Variants in NR2C2AP observed in about 807,000 individuals in gnomAD.
NR2C2AP encodes the protein nuclear receptor 2C2-associated protein.
In NR2C2AP, 13 loss-of-function variants were observed where a neutral mutation model predicts 19.1. That is an observed-to-expected ratio of 0.68 (90% CI 0.44 to 1.08). The LOEUF is 1.08. NR2C2AP is among the 50% of genes least tolerant of loss of function. The probability of loss-of-function intolerance (pLI) is 0.00; values close to 1 mark genes in which losing one functional copy is unlikely to be tolerated. For synonymous variants in NR2C2AP, 81 were observed against 64.4 expected (o/e 1.26, Z -1.23); for missense variants, 181 against 172.7 (o/e 1.05, Z -0.27).
chr19:19,202,914 G>A lies in NR2C2AP; in HGVS notation c.39-33C>T. 3 of 1,607,986 alleles carry A rather than the reference G, an allele frequency of 1.9e-6. No individual in the cohort carries two copies. In the South Asian group the frequency reaches 3.3e-5, roughly 18 times the overall value. On this transcript the variant is annotated intron_variant, in intron 1 of 4. Transcript: ENST00000331552. ...CACCAGGATCAAGGCGAAGAGAGGGGCTGAGACCAGCTCTCAGCTCCGCGG... is the reference window on the plus strand; with the variant it reads ...CACCAGGATCAAGGCGAAGAGAGGGACTGAGACCAGCTCTCAGCTCCGCGG...
Position 19,202,354 on chromosome 19 carries a change from G to A in NR2C2AP, c.280C>T (p.Pro94Ser), listed in dbSNP as rs753300925. Reference protein sequence around the residue: ...QALHKIVDFYPEDNNSLQTFP... With the variant: ...QALHKIVDFYSEDNNSLQTFP... The stretch of plus-strand genomic sequence containing the variant: ...ATCTGAAGCGAGTTGTTGTCCTCAG[G>A]GTAGAAATCTACAATCTTGTGGAGA... Residue 94 changes from proline (P) to serine (S), a missense_variant, in exon 4 of 5, where the codon CCT (proline) becomes TCT (serine). Transcript: ENST00000331552. 9 of 1,614,066 alleles carry A rather than the reference G, an allele frequency of 5.6e-6. No individual in the cohort carries two copies. Among genetic ancestry groups the A allele is most frequent in the African/African-American group, 5.3e-5 (4 of 74,910 alleles).
In NR2C2AP at chr19:19,201,601, C is replaced by G. The variant is rs201490667; in HGVS notation, c.*324G>C. 18 of 1,613,238 alleles carry G rather than the reference C, an allele frequency of 1.1e-5. No homozygotes were observed. The South Asian group carries it at 1.5e-4, about 14-fold the overall frequency. Reference sequence around the variant, plus strand: ...CGCAGGTTGGCCTGTGCCTCCACCCCACTCCCGATTCAAGCTCACAGCCCA... The same window carrying G: ...CGCAGGTTGGCCTGTGCCTCCACCCGACTCCCGATTCAAGCTCACAGCCCA... On this transcript the variant is annotated 3_prime_UTR_variant, in exon 5 of 5. Coordinates refer to ENST00000331552, the MANE Select transcript of NR2C2AP (RefSeq NM_176880.6).
chr19:19,202,811 T>G lies in NR2C2AP; in HGVS notation c.109A>C (p.Thr37Pro). 1 of 1,613,798 alleles carries G rather than the reference T, an allele frequency of 6.2e-7. No homozygotes were observed. Among genetic ancestry groups the G allele is most frequent in the Non-Finnish European group, 8.5e-7 (1 of 1,179,968 alleles). Reference protein sequence around the residue: ...KKHLFDQDEETCWNSDQGPSQ... With the variant: ...KKHLFDQDEEPCWNSDQGPSQ... ...CTCACCTGGTCTGAGTTCCAACATGTCTCCTCATCCTGGTCGAAAAGATGT... is the reference window on the plus strand; with the variant it reads ...CTCACCTGGTCTGAGTTCCAACATGGCTCCTCATCCTGGTCGAAAAGATGT... The change falls in exon 2 of 5, where the codon ACA becomes CCA. Residue 37 changes from threonine (T) to proline (P), a missense_variant. By Grantham distance (38) the Thr-to-Pro change is conservative (BLOSUM62 -1). Transcript: ENST00000331552.
rs780804805 is a variant in NR2C2AP at position 19,202,921 on chromosome 19, C to T, written c.39-40G>A. On this transcript the variant is annotated intron_variant, in intron 1 of 4. Coordinates refer to ENST00000331552, the MANE Select transcript of NR2C2AP (RefSeq NM_176880.6). Reference sequence around the variant, plus strand: ...ATCAAGGCGAAGAGAGGGGCTGAGACCAGCTCTCAGCTCCGCGGAGGGCCT... The same window carrying T: ...ATCAAGGCGAAGAGAGGGGCTGAGATCAGCTCTCAGCTCCGCGGAGGGCCT... The T allele has an allele frequency of 5.0e-6, 8 of 1,601,378 alleles. No homozygotes were observed. In the African/African-American group the frequency reaches 9.4e-5, roughly 19 times the overall value.
Position 19,201,589 on chromosome 19 carries a change from G to C in NR2C2AP, c.*336C>G. ...CTAAGGGGAGAGCGCAGGTTGGCCT[G>C]TGCCTCCACCCCACTCCCGATTCAA... On this transcript the variant is annotated 3_prime_UTR_variant, in exon 5 of 5. Transcript: ENST00000331552. 1 of 1,612,436 alleles carries C rather than the reference G, an allele frequency of 6.2e-7. No individual in the cohort carries two copies. Among genetic ancestry groups the C allele is most frequent in the Non-Finnish European group, 8.5e-7 (1 of 1,179,946 alleles).
intron 4 of NR2C2AP, 26 bp from the exon 5 acceptor site, chr19:19,202,067 T>C (rs2060728605): frequency 6.2e-7 from 1 of 1,609,782 alleles, no homozygotes; most frequent in African/African-American, 1.3e-5. Context: ...CAAGGGAAAC[T>C]GGTGATTTCT....
At chr19:19,202,715 G>T in intron 2 of NR2C2AP, 76 bp downstream of exon 2, 1 of 1,463,348 alleles carries the variant, frequency 6.8e-7, no homozygotes. Context: ...ACCCATGAGG[G>T]CCCCCTGACG....
chr19:19,202,404 G>A lies in NR2C2AP; in HGVS notation c.236-6C>T. On this transcript the variant is annotated splice_region_variant and splice_polypyrimidine_tract_variant and intron_variant, in intron 3 of 4. Transcript: ENST00000331552. ...AGCCTGAGTGCCCTGTGAACCTTCA[G>A]CAGAGAAAGGCAATGAGTGTCTGGG... The A allele has an allele frequency of 1.2e-6, 2 of 1,614,120 alleles. No individual in the cohort carries two copies.
chr19:19,202,254 G>C (rs747127233), intron 4 of NR2C2AP, 77 bp downstream of exon 4: 51 of 1,409,748 alleles, frequency 3.6e-5, no homozygotes, highest in Middle Eastern at 1.8e-4. Flanking sequence ...CACACATCAG[G>C]GTTCCCATTC....
rs751670866 is a variant in NR2C2AP at position 19,201,890 on chromosome 19, G to A, written c.*35C>T. On this transcript the variant is annotated 3_prime_UTR_variant, in exon 5 of 5. Transcript: ENST00000331552. ...AATGAGGGACTTTGCTGTGCTTCCC[G>A]GAGGGCTTCCTGGAGGAGACAGCCC... 60 of 1,613,684 alleles carry A rather than the reference G, an allele frequency of 3.7e-5. No individual in the cohort carries two copies. The highest frequency in any genetic ancestry group is 2.7e-4 in the Admixed American group (16 of 59,972).
At position 19,202,318 on chromosome 19, in the gene NR2C2AP, A is replaced by C; in HGVS notation, c.303+13T>G. ...GGCACAGACCACCCACCCCAGAAGC[A>C]GGGGCAGGATATCTGAAGCGAGTTG... On this transcript the variant is annotated intron_variant, in intron 4 of 4. Transcript: ENST00000331552. 5 of 1,612,822 alleles carry C rather than the reference A, an allele frequency of 3.1e-6. No individual in the cohort carries two copies. Among genetic ancestry groups the C allele is most frequent in the Non-Finnish European group, 4.2e-6 (5 of 1,178,754 alleles).
chr19:19,201,949 C>G lies in NR2C2AP; in HGVS notation c.396G>C (p.Leu132=). Residue 132 remains leucine (L), a synonymous_variant, in exon 5 of 5, where the codon CTG becomes CTC. Coordinates refer to ENST00000331552, the MANE Select transcript of NR2C2AP (RefSeq NM_176880.6). The stretch of plus-strand genomic sequence containing the variant: ...CTCACACCTTCTCCCCAAGCACCCG[C>G]AGGTGGTAGATGACCACACGGCCAA... The part of the protein sequence containing the change: ...DFFGRVVIYH[L]RVLGEKV 6.2e-7 allele frequency: 1 copy of G among 1,614,210 alleles called. No homozygotes were observed. The highest frequency in any genetic ancestry group is 8.5e-7 in the Non-Finnish European group (1 of 1,180,038).
chr19:19,203,164 G>A lies in NR2C2AP; in HGVS notation c.-104C>T, dbSNP rs958742095. On this transcript the variant is annotated 5_prime_UTR_variant, in exon 1 of 5. Coordinates refer to ENST00000331552, the MANE Select transcript of NR2C2AP (RefSeq NM_176880.6). ...GGCGGCGCGATCTTGGCTACGCCTT[G>A]GCCTGAACGTCCTCACCTGTAACTT... 12 of 1,176,754 alleles carry A rather than the reference G, an allele frequency of 1.0e-5. No homozygotes were observed. In the African/African-American group the frequency reaches 1.8e-4, roughly 18 times the overall value. 72.9% of individuals were successfully genotyped at this position (1,176,754 alleles called of 1,614,324 possible).
At chr19:19,202,711 G>C in intron 2 of NR2C2AP, 80 bp downstream of exon 2, 1 of 1,465,086 alleles carries the variant, frequency 6.8e-7, no homozygotes, top group African/African-American at 1.4e-5. Context: ...GGCCACCCAT[G>C]AGGGCCCCCT....
chr19:19,201,628 C>T lies in NR2C2AP; in HGVS notation c.*297G>A. ...CTCCCGATTCAAGCTCACAGCCCAC[C>T]TTTTCCCTGCCCCATCTCAGTGCAA... On this transcript the variant is annotated 3_prime_UTR_variant, in exon 5 of 5. Transcript: ENST00000331552. The T allele has an allele frequency of 6.2e-7, 1 of 1,614,022 alleles. No homozygotes were observed. Among genetic ancestry groups the T allele is most frequent in the Non-Finnish European group, 8.5e-7 (1 of 1,180,042 alleles).
At chr19:19,202,744 T>G (rs1355273743) in intron 2 of NR2C2AP, 47 bp downstream of exon 2, 1 of 1,561,376 alleles carries the variant, frequency 6.4e-7, no homozygotes, top group African/African-American at 1.4e-5. Context: ...GCATGAGATC[T>G]GAATCTGAAT....
chr19:19,203,137 A>C lies in NR2C2AP; in HGVS notation c.-77T>G, dbSNP rs1231900499. The C allele has an allele frequency of 6.6e-7, 1 of 1,512,562 alleles. No individual in the cohort carries two copies. Among genetic ancestry groups the C allele is most frequent in the Non-Finnish European group, 9.1e-7 (1 of 1,096,632 alleles). The allele number at this position is 1,512,562 out of a possible 1,614,324, so 93.7% of individuals were successfully genotyped here. On this transcript the variant is annotated 5_prime_UTR_variant, in exon 1 of 5. Coordinates refer to ENST00000331552, the MANE Select transcript of NR2C2AP (RefSeq NM_176880.6). ...GAATCCCGGCGCCTCCTCAAGCTAC[A>C]GGGCGGCGCGATCTTGGCTACGCCT... is the stretch of plus-strand genomic sequence containing the variant.
At position 19,203,388 on chromosome 19, in the gene NR2C2AP, G is replaced by T; in HGVS notation, c.-328C>A. The T allele has an allele frequency of 2.3e-6, 1 of 443,376 alleles. No individual in the cohort carries two copies. The highest frequency in any genetic ancestry group is 4.5e-5 in the East Asian group (1 of 22,262). The allele number at this position is 443,376 out of a possible 1,614,324, so 27.5% of individuals were successfully genotyped here. ...GCTGTTTCTCTGCGAATAGCTCTTG[G>T]AGCCAAATCTTGGGACCCGGAACCG... is the stretch of plus-strand genomic sequence containing the variant. On this transcript the variant is annotated 5_prime_UTR_variant, in exon 1 of 5. Coordinates refer to ENST00000331552, the MANE Select transcript of NR2C2AP (RefSeq NM_176880.6).
intron 1 of NR2C2AP, 23 bp from the exon 2 acceptor site, chr19:19,202,904 G>A (rs1359282220): frequency 6.2e-7 from 1 of 1,610,992 alleles, no homozygotes; most frequent in Non-Finnish European, 8.5e-7. Flanking sequence ...GGATCAAGGC[G>A]AAGAGAGGGG....
Sources: allele counts gnomAD v4.1 joint callset, GRCh38; gene constraint gnomAD v4.1.1; transcripts MANE v1.5; gene names NCBI Gene and HGNC (gene_info 2026-07-23, HGNC 2026-07-21).